ADK: variants seen among roughly 807,000 people sequenced by gnomAD.
ADK encodes N6,N6-dimethyladenosine kinase.
Under a neutral mutation model 44.7 loss-of-function variants are expected in ADK, and 24 were observed. That is an observed-to-expected ratio of 0.54 (90% confidence interval 0.39 to 0.76). ADK has a LOEUF of 0.76. Among genes scored for constraint, ADK ranks in the 30% least tolerant of loss-of-function variants. The pLI, the probability that ADK is intolerant of heterozygous loss-of-function variation, is 0.00. For synonymous variants in ADK, 128 were observed against 142.6 expected (o/e 0.90, Z 0.73); for missense variants, 321 against 425.1 (o/e 0.76, Z 2.15).
intron 10 of ADK, among the ~76,000 whole-genome samples, chr10:74,696,376 G>GT (rs959178873): frequency 2.6e-4 from 38 of 147,124 alleles, no homozygotes; most frequent in South Asian, 8.7e-4. Flanking sequence ...TTTTGTTTTT[G>GT]TTTTTTTTTG....
At chr10:74,474,216 A>C (rs1414764924) in intron 6 of ADK, among the ~76,000 whole-genome samples, 2 of 152,056 alleles carry the variant, frequency 1.3e-5, no homozygotes, top group African/African-American at 2.4e-5. Flanking sequence ...TTCTGGGCTC[A>C]AGTGATCTAC....
chr10:74,616,900 T>G (rs1852782734), intron 9 of ADK, among the ~76,000 whole-genome samples: 1 of 152,180 alleles, frequency 6.6e-6, no homozygotes, highest in African/African-American at 2.4e-5. Context: ...GATGTTTTTT[T>G]CTTTTCAGTG....
At chr10:74,502,716 A>C (rs1204010290) in intron 6 of ADK, among the ~76,000 whole-genome samples, 3 of 152,156 alleles carry the variant, frequency 2.0e-5, no homozygotes, top group Non-Finnish European at 4.4e-5. Flanking sequence ...TCTAGGGAGA[A>C]ACATTTGAGT....
chr10:74,372,480 T>TAA (rs35720770), intron 4 of ADK: 4,656 of 306,788 alleles, frequency 0.015, no homozygotes, highest in Middle Eastern at 0.036. Flanking sequence ...AATGTCAGTT[T>TAA]AAAAAAAAAA....
intron 4 of ADK, among the ~76,000 whole-genome samples, chr10:74,365,443 C>T (rs927367766): frequency 2.0e-5 from 3 of 152,110 alleles, no homozygotes; most frequent in African/African-American, 7.2e-5. Flanking sequence ...CATTTTGTTG[C>T]ATATATTAGC....
At chr10:74,405,390 A>G (rs1843883242) in intron 6 of ADK, among the ~76,000 whole-genome samples, 1 of 151,214 alleles carries the variant, frequency 6.6e-6, no homozygotes, top group Admixed American at 6.6e-5. Context: ...TTCAAATGTG[A>G]AAAATCTAAT....
chr10:74,484,256 A>C (rs960208984), intron 6 of ADK, among the ~76,000 whole-genome samples: 4 of 152,134 alleles, frequency 2.6e-5, no homozygotes, highest in Non-Finnish European at 5.9e-5. Context: ...AGCAGAAGGA[A>C]GAGAGACAAG....
intron 6 of ADK, among the ~76,000 whole-genome samples, chr10:74,485,786 A>T (rs1847246088): frequency 1.3e-5 from 2 of 152,172 alleles, no homozygotes; most frequent in Admixed American, 1.3e-4. Context: ...TTAAAATGTA[A>T]ATGGAGGTGT....
chr10:74,168,101 T>G (rs1202419036), intron 1 of ADK, among the ~76,000 whole-genome samples: 1 of 152,232 alleles, frequency 6.6e-6, no homozygotes, highest in Non-Finnish European at 1.5e-5. Flanking sequence ...TGTTCTTTTT[T>G]GTTACTTGAT....
intron 10 of ADK, among the ~76,000 whole-genome samples, chr10:74,691,260 A>G (rs748792748): frequency 1.8e-4 from 27 of 152,236 alleles, no homozygotes; most frequent in Admixed American, 5.2e-4. Flanking sequence ...ATGACTAAGA[A>G]CAAAGTTTGT....
chr10:74,408,072 T>C (rs982059489), intron 6 of ADK, among the ~76,000 whole-genome samples: 1 of 151,984 alleles, frequency 6.6e-6, no homozygotes, highest in Non-Finnish European at 1.5e-5. Context: ...CTCCATCTCC[T>C]GGGTTTGAAC....
At chr10:74,404,165 C>T (rs1299912606) in intron 6 of ADK, among the ~76,000 whole-genome samples, 1 of 135,934 alleles carries the variant, frequency 7.4e-6, no homozygotes, top group Non-Finnish European at 1.6e-5. Flanking sequence ...AGCCACCACA[C>T]CCAGCCTAAT....
At chr10:74,225,730 A>G (rs1343200840) in intron 3 of ADK, among the ~76,000 whole-genome samples, 1 of 152,220 alleles carries the variant, frequency 6.6e-6, no homozygotes, top group East Asian at 1.9e-4. Context: ...TATTTGGCCT[A>G]TCCTTATTTG....
intron 4 of ADK, among the ~76,000 whole-genome samples, chr10:74,383,409 T>TCTCTCTCTCTCTCTCTCTTTCTCGGC (rs1843038142): frequency 1.3e-5 from 2 of 150,530 alleles, no homozygotes; most frequent in South Asian, 4.2e-4. Flanking sequence ...TCTGTCTCTG[T>TCTCTCTCTCTCTCTCTCTTTCTCGGC]CTCTCTCTCT....
chr10:74,637,118 T>C (rs1006658170), intron 9 of ADK, among the ~76,000 whole-genome samples: 9 of 152,238 alleles, frequency 5.9e-5, no homozygotes, highest in African/African-American at 2.2e-4. Flanking sequence ...GTAAGAATTG[T>C]ATAACTTATA....
chr10:74,327,398 T>C (rs1420669718), intron 4 of ADK, among the ~76,000 whole-genome samples: 4 of 152,214 alleles, frequency 2.6e-5, no homozygotes, highest in Admixed American at 6.5e-5. Flanking sequence ...TTAAGACTTA[T>C]GTTGTGGCTT....
intron 7 of ADK, among the ~76,000 whole-genome samples, chr10:74,535,856 T>A (rs914656714): frequency 3.3e-5 from 5 of 152,160 alleles, no homozygotes; most frequent in African/African-American, 1.2e-4. Flanking sequence ...CCCAAAGTGC[T>A]GAGATTACAG....
At chr10:74,196,561 A>G (rs1401718570) in intron 1 of ADK, among the ~76,000 whole-genome samples, 1 of 152,182 alleles carries the variant, frequency 6.6e-6, no homozygotes, top group East Asian at 1.9e-4. Flanking sequence ...ATGAGCACTA[A>G]TAATCTTTTC....
At position 74,300,300 on chromosome 10, in the gene ADK, TTCCTTCCTTCTTTCCTTCCTTCC is replaced by T. The variant is rs2132513836; in HGVS notation, c.195-14365_195-14343del. 3.6e-5 allele frequency among the ~76,000 whole-genome samples: 3 copies of T among 82,982 alleles called. No homozygotes were observed. In the South Asian group the frequency reaches 1.3e-3, roughly 35 times the overall value. 54.4% of individuals were successfully genotyped at this position (82,982 alleles called of 152,430 possible). On this transcript the variant is annotated intron_variant, in intron 3 of 10. Coordinates refer to ENST00000539909, the MANE Select transcript of ADK (RefSeq NM_006721.4). ...CTTCCTTCCTTCCTTCCTTCCTTCC[TTCCTTCCTTCTTTCCTTCCTTCC>T]TTCCTTCCTTCCTTCCTTCCTTCCT...
Sources: allele counts gnomAD v4.1 joint callset (sites outside exome capture counted in the v4.1 genomes callset), GRCh38; gene constraint gnomAD v4.1.1; transcripts MANE v1.5; gene names NCBI Gene and HGNC (gene_info 2026-07-23, HGNC 2026-07-21).